The following IPO7 variants were observed in gnomAD, a reference collection of about 807,000 sequenced individuals.
The protein encoded by IPO7 is importin-7.
Under a neutral mutation model 136.4 loss-of-function variants are expected in IPO7, and 13 were observed. The ratio of observed to expected loss-of-function variants is 0.10; its 90% CI spans 0.06 to 0.15. The LOEUF (loss-of-function observed/expected upper bound fraction) is 0.15, where lower values mean the gene tolerates loss of function less well. IPO7 is among the 10% of genes least tolerant of loss of function. The probability of loss-of-function intolerance (pLI) is 1.00; values close to 1 mark genes in which losing one functional copy is unlikely to be tolerated. For synonymous variants in IPO7, 403 were observed against 404.4 expected (o/e 1.00, Z 0.04); for missense variants, 857 against 1,240.6 (o/e 0.69, Z 4.65).
chr11:9,421,328 T>C (rs888122181), intron 8 of IPO7, among the ~76,000 whole-genome samples: 6 of 151,060 alleles, frequency 4.0e-5, no homozygotes, highest in Non-Finnish European at 1.5e-5. Flanking sequence ...CAATTTTCCT[T>C]GAAATGAGGG....
chr11:9,411,319 AG>A (rs1324160861), intron 4 of IPO7, among the ~76,000 whole-genome samples: 1 of 152,226 alleles, frequency 6.6e-6, no homozygotes, highest in Non-Finnish European at 1.5e-5. Context: ...AGCAGTTCTA[AG>A]AAAATTTACA....
intron 1 of IPO7, among the ~76,000 whole-genome samples, chr11:9,400,457 T>C (rs961632908): frequency 8.8e-4 from 134 of 152,218 alleles, no homozygotes; most frequent in African/African-American, 3.1e-3. Context: ...CTAATCTCGC[T>C]GTCGCCCAGG....
chr11:9,389,108 C>T (rs182060779), intron 1 of IPO7, among the ~76,000 whole-genome samples: 20 of 151,916 alleles, frequency 1.3e-4, no homozygotes, highest in Non-Finnish European at 2.4e-4. Flanking sequence ...GGCTAGAGTG[C>T]GGTGGCATGA....
chr11:9,434,881 A>G, intron 18 of IPO7, 53 bp from the exon 19 acceptor site: 2 of 1,220,288 alleles, frequency 1.6e-6, no homozygotes, highest in Non-Finnish European at 2.4e-6. Flanking sequence ...TCAAAAGCAA[A>G]GAAAGCATTT....
chr11:9,384,699 A>T lies in IPO7; in HGVS notation c.-65A>T. The T allele has an allele frequency of 7.4e-7, 1 of 1,343,614 alleles. No individual in the cohort carries two copies. The highest frequency in any genetic ancestry group is 1.0e-6 in the Non-Finnish European group (1 of 971,004). 83.2% of individuals were successfully genotyped at this position (1,343,614 alleles called of 1,614,324 possible). A position where few individuals can be genotyped will look rare whatever the true frequency, so the allele number is the denominator to read the frequency against. On this transcript the variant is annotated 5_prime_UTR_variant, in exon 1 of 25. Transcript: ENST00000379719. ...CGGAGCGCGGCGGGTCCATGTGCGC[A>T]GTGAGTGGCGCTATTCCTGGCCCAG...
chr11:9,397,341 A>AAAAAAAAAAAAATATATATATATATAT, intron 1 of IPO7, among the ~76,000 whole-genome samples: 22 of 10,754 alleles, frequency 2.0e-3, no homozygotes, highest in Non-Finnish European at 3.3e-3. Context: ...TTTAAAAAAA[A>AAAAAAAAAAAAATATATATATATATAT]ATATATATAT....
chr11:9,443,557 C>G (rs1190088927), intron 24 of IPO7, among the ~76,000 whole-genome samples: 1 of 148,776 alleles, frequency 6.7e-6, no homozygotes, highest in African/African-American at 2.5e-5. Flanking sequence ...CGCCATTGCA[C>G]TCCAGCCTGG....
intron 6 of IPO7, 92 bp downstream of exon 6, chr11:9,417,240 T>C (rs1564997766): frequency 1.8e-6 from 1 of 567,264 alleles, no homozygotes; most frequent in East Asian, 3.0e-5. Context: ...ACATTCTTTA[T>C]GAATTTTTAT....
At chr11:9,428,499 A>G (rs1447024115) in intron 12 of IPO7, 41 bp from the exon 13 acceptor site, 1 of 827,486 alleles carries the variant, frequency 1.2e-6, no homozygotes, top group Non-Finnish European at 2.0e-6. Flanking sequence ...AGATGATTAT[A>G]TTTGGAACTG....
chr11:9,410,493 A>C (rs1372294541), intron 4 of IPO7, among the ~76,000 whole-genome samples: 10 of 152,044 alleles, frequency 6.6e-5, no homozygotes, highest in Admixed American at 6.6e-4. Context: ...TAGGCTCTTG[A>C]TTAACTTCCT....
chr11:9,437,984 G>A lies in IPO7; in HGVS notation c.2489+10G>A, dbSNP rs1855403235. The stretch of plus-strand genomic sequence containing the variant: ...TTGACTGTTTCTTGGGGTAAGTGAT[G>A]TATTGCAATTTTACTACATTTGCTT... On this transcript the variant is annotated intron_variant, in intron 21 of 24. Coordinates refer to ENST00000379719, the MANE Select transcript of IPO7 (RefSeq NM_006391.3). The A allele has an allele frequency of 6.4e-7, 1 of 1,561,978 alleles. No individual in the cohort carries two copies. Among genetic ancestry groups the A allele is most frequent in the South Asian group, 1.1e-5 (1 of 88,824 alleles).
Position 9,445,118 on chromosome 11 carries a change from A to G in IPO7, c.3041A>G (p.His1014Arg), listed in dbSNP as rs1855510682. Residue 1014 changes from histidine to arginine, a missense_variant, in exon 25 of 25, where the codon CAT (histidine) becomes CGT (arginine). His to Arg is a conservative substitution (Grantham distance 29, BLOSUM62 0). Transcript: ENST00000379719. Reference sequence around the variant, plus strand: ...CTAGAATCCAAAATGATTGAGAAGCATGGAGGATACAAATTCAGTGCTCCA... The same window carrying G: ...CTAGAATCCAAAATGATTGAGAAGCGTGGAGGATACAAATTCAGTGCTCCA... ...AAHESKMIEK[H>R]GGYKFSAPVV... The G allele has an allele frequency of 6.2e-7, 1 of 1,611,230 alleles. No individual in the cohort carries two copies. The highest frequency in any genetic ancestry group is 8.5e-7 in the Non-Finnish European group (1 of 1,177,390).
At chr11:9,384,908 GCC>G in intron 1 of IPO7, 61 bp downstream of exon 1, 1 of 1,342,858 alleles carries the variant, frequency 7.4e-7, no homozygotes. Flanking sequence ...GGCAGGCCGA[GCC>G]CCCGGGGCCT....
intron 1 of IPO7, among the ~76,000 whole-genome samples, chr11:9,386,762 A>G (rs1854556742): frequency 1.3e-5 from 2 of 152,326 alleles, no homozygotes; most frequent in Admixed American, 1.3e-4. Flanking sequence ...TCAAAATAGT[A>G]TTCAATGCCT....
intron 9 of IPO7, among the ~76,000 whole-genome samples, chr11:9,423,474 T>G (rs1169974238): frequency 6.6e-6 from 1 of 152,200 alleles, no homozygotes; most frequent in Non-Finnish European, 1.5e-5. Context: ...ATAAATGACT[T>G]ACCTGCTATT....
chr11:9,410,150 C>T, intron 4 of IPO7, 64 bp downstream of exon 4: 1 of 1,067,912 alleles, frequency 9.4e-7, no homozygotes, highest in Non-Finnish European at 1.3e-6. Context: ...AAATTTAAGC[C>T]AATTTGAACA....
rs397953468 is a variant in IPO7 at position 9,432,989 on chromosome 11, G to GTTTTTTTTTTTTTTTTTTTTT, written c.1882-565_1882-564insTTTTTTTTTTTTTTTTTTTTT. On this transcript the variant is annotated intron_variant, in intron 16 of 24. Transcript: ENST00000379719. ...TAACAGATGGGCTATCTTCCAAATG[G>GTTTTTTTTTTTTTTTTTTTTT]TTTTTTTTTTTTTTTTGAGATGGAG... 6.2e-4 allele frequency: 77 copies of GTTTTTTTTTTTTTTTTTTTTT among 123,232 alleles called. 10 individuals carry two copies. The highest frequency in any genetic ancestry group is 2.0e-3 in the African/African-American group (69 of 34,336). The allele number at this position is 123,232 out of a possible 1,614,324, so 7.6% of individuals were successfully genotyped here. A position where few individuals can be genotyped will look rare whatever the true frequency, so the allele number is the denominator to read the frequency against.
chr11:9,433,287 A>C (rs555108015), intron 16 of IPO7: 4 of 359,500 alleles, frequency 1.1e-5, no homozygotes, highest in African/African-American at 8.5e-5. Context: ...CGCCCGGCCA[A>C]CTCCTTTATT....
At chr11:9,389,721 C>T (rs1180117954) in intron 1 of IPO7, among the ~76,000 whole-genome samples, 2 of 152,004 alleles carry the variant, frequency 1.3e-5, no homozygotes, top group Non-Finnish European at 2.9e-5. Context: ...ACTCTTAGTT[C>T]CTAAGCTCAA....
Sources: gnomAD v4.1 joint callset for allele counts (sites outside exome capture counted in the v4.1 genomes callset) on GRCh38, gnomAD v4.1.1 for gene constraint, MANE v1.5 for transcripts, NCBI Gene and HGNC (gene_info 2026-07-23, HGNC 2026-07-21) for gene names.